Variants in ACTR3B observed in about 807,000 individuals in gnomAD.
ACTR3B encodes the protein actin-related protein 3B.
Under a neutral mutation model 59.0 loss-of-function variants are expected in ACTR3B, and 8 were observed. The ratio of observed to expected loss-of-function variants is 0.14; its 90% CI spans 0.08 to 0.24. The LOEUF (loss-of-function observed/expected upper bound fraction) is 0.24. Ranked by LOEUF, ACTR3B falls within the 10% of genes least tolerant of loss-of-function variation. The pLI is 1.00. For synonymous variants in ACTR3B, 148 were observed against 197.9 expected (o/e 0.75, Z 2.12); for missense variants, 245 against 552.3 (o/e 0.44, Z 5.58).
chr7:152,850,029 T>G (rs1002420813), intron 9 of ACTR3B, among the ~76,000 whole-genome samples: 13 of 151,220 alleles, frequency 8.6e-5, no homozygotes, highest in African/African-American at 3.2e-4. Context: ...ACTGGTCGCT[T>G]CTCCAGGTGG....
intron 4 of ACTR3B, among the ~76,000 whole-genome samples, chr7:152,808,529 G>A (rs2098259446): frequency 6.6e-6 from 1 of 152,046 alleles, no homozygotes. Flanking sequence ...TCTGATTCTT[G>A]TTGGTGATGT....
Position 152,787,104 on chromosome 7 carries a change from C to T in ACTR3B, c.100+3862C>T, listed in dbSNP as rs919917766. Among the ~76,000 whole-genome samples, 4 of 152,236 alleles carry T rather than the reference C, an allele frequency of 2.6e-5. No homozygotes were observed. In the South Asian group the frequency reaches 6.3e-4, roughly 24 times the overall value. On this transcript the variant is annotated intron_variant, in intron 2 of 11. Coordinates refer to ENST00000256001, the MANE Select transcript of ACTR3B (RefSeq NM_020445.6). ...TTAGGCAACACCTAATTAGGTATTG[C>T]CACGTTACTCCTCCAGGAGGCTGTT...
At chr7:152,850,831 C>G (rs1326101312) in intron 9 of ACTR3B, among the ~76,000 whole-genome samples, 1 of 152,184 alleles carries the variant, frequency 6.6e-6, no homozygotes, top group Non-Finnish European at 1.5e-5. Flanking sequence ...ACTCACTGTT[C>G]ACACACTCAG....
chr7:152,822,401 A>G (rs1400318435), intron 7 of ACTR3B, among the ~76,000 whole-genome samples: 2 of 152,272 alleles, frequency 1.3e-5, no homozygotes, highest in African/African-American at 4.8e-5. Context: ...GACACATATC[A>G]ACACAAAGGT....
chr7:152,823,878 T>C (rs1290058475), intron 8 of ACTR3B, among the ~76,000 whole-genome samples: 1 of 152,218 alleles, frequency 6.6e-6, no homozygotes, highest in Non-Finnish European at 1.5e-5. Flanking sequence ...TGGGATAATA[T>C]GTAACCTTTC....
chr7:152,780,282 C>T (rs2098147816), intron 1 of ACTR3B, among the ~76,000 whole-genome samples: 2 of 149,566 alleles, frequency 1.3e-5, no homozygotes, highest in South Asian at 4.3e-4. Context: ...AACAGAAAGG[C>T]GGAGGTTGCA....
intron 9 of ACTR3B, among the ~76,000 whole-genome samples, chr7:152,849,016 G>A (rs1039612640): frequency 2.0e-5 from 3 of 152,198 alleles, no homozygotes; most frequent in African/African-American, 2.4e-5. Flanking sequence ...GAAGGCAGGT[G>A]CCCAGTGACC....
chr7:152,798,284 T>A (rs1563103748), intron 2 of ACTR3B, among the ~76,000 whole-genome samples: 1 of 152,254 alleles, frequency 6.6e-6, no homozygotes, highest in Non-Finnish European at 1.5e-5. Context: ...CCCCAATGAT[T>A]AGTGATGTTG....
intron 4 of ACTR3B, among the ~76,000 whole-genome samples, chr7:152,806,992 C>G (rs950432206): frequency 6.6e-6 from 1 of 152,174 alleles, no homozygotes; most frequent in African/African-American, 2.4e-5. Flanking sequence ...GAGAGTGTCA[C>G]CCATGTTAGG....
chr7:152,780,441 C>T (rs1043372712), intron 1 of ACTR3B, among the ~76,000 whole-genome samples: 5 of 151,196 alleles, frequency 3.3e-5, no homozygotes, highest in Non-Finnish European at 7.4e-5. Flanking sequence ...ACTTAAGGTA[C>T]CCGTGTGACT....
At position 152,759,839 on chromosome 7, in the gene ACTR3B, C is replaced by A. The variant is rs1395995522; in HGVS notation, c.-44C>A. On this transcript the variant is annotated 5_prime_UTR_variant, in exon 1 of 12. Transcript: ENST00000256001. Reference sequence around the variant, plus strand: ...GGCGGCGGAGCGGACGGCGACGGGGCGCTCTCGGGCTGCCGGCGGGGCCGA... The same window carrying A: ...GGCGGCGGAGCGGACGGCGACGGGGAGCTCTCGGGCTGCCGGCGGGGCCGA... 5 of 1,220,378 alleles carry A rather than the reference C, an allele frequency of 4.1e-6. No homozygotes were observed. The highest frequency in any genetic ancestry group is 3.1e-5 in the African/African-American group (2 of 63,492). The allele number at this position is 1,220,378 out of a possible 1,614,324, so 75.6% of individuals were successfully genotyped here. A position where few individuals can be genotyped will look rare whatever the true frequency, so the allele number is the denominator to read the frequency against.
At chr7:152,852,042 C>G in intron 9 of ACTR3B, 84 bp from the exon 10 acceptor site, 1 of 1,584,526 alleles carries the variant, frequency 6.3e-7, no homozygotes, top group Non-Finnish European at 8.7e-7. Context: ...AGCGATTGGA[C>G]CTGTGGGAGT....
At position 152,854,588 on chromosome 7, in the gene ACTR3B, T is replaced by C. The variant is rs373617906; in HGVS notation, c.*35T>C. On this transcript the variant is annotated 3_prime_UTR_variant, in exon 12 of 12. Coordinates refer to ENST00000256001, the MANE Select transcript of ACTR3B (RefSeq NM_020445.6). The surrounding 1 kb of genome is among the most constrained non-coding windows in gnomAD (Gnocchi z 4.9). ...GAACGCGTCGTTCGATGGTGTCACGTTGGGGAACAAGTGTCCTTCAGAACC... is the reference window on the plus strand; with the variant it reads ...GAACGCGTCGTTCGATGGTGTCACGCTGGGGAACAAGTGTCCTTCAGAACC... 5.0e-6 allele frequency: 8 copies of C among 1,600,286 alleles called. No individual in the cohort carries two copies. In the African/African-American group the frequency reaches 1.1e-4, roughly 21 times the overall value.
Position 152,824,966 on chromosome 7 carries a change from G to C in ACTR3B, c.859-64G>C. 1 of 1,507,368 alleles carries C rather than the reference G, an allele frequency of 6.6e-7. No individual in the cohort carries two copies. The highest frequency in any genetic ancestry group is 1.2e-5 in the South Asian group (1 of 82,304). The allele number at this position is 1,507,368 out of a possible 1,614,324, so 93.4% of individuals were successfully genotyped here. A position where few individuals can be genotyped will look rare whatever the true frequency, so the allele number is the denominator to read the frequency against. On this transcript the variant is annotated intron_variant, in intron 8 of 11. Coordinates refer to ENST00000256001, the MANE Select transcript of ACTR3B (RefSeq NM_020445.6). This position sits in a 1 kb window ranked among gnomAD's most constrained non-coding sequence, Gnocchi z 4.2. The stretch of plus-strand genomic sequence containing the variant: ...TATTTGTTAAAGTTACTTTAAAGAA[G>C]TGTGCATGTTGTTCTATTTGAGAGA...
intron 2 of ACTR3B, among the ~76,000 whole-genome samples, chr7:152,792,466 T>C (rs1230349922): frequency 1.3e-5 from 2 of 151,946 alleles, no homozygotes; most frequent in Non-Finnish European, 2.9e-5. Flanking sequence ...TAAAGAAACA[T>C]AGGCCGGGCA....
intron 2 of ACTR3B, among the ~76,000 whole-genome samples, chr7:152,785,412 A>G (rs1346272779): frequency 7.2e-4 from 2 of 2,766 alleles, no homozygotes; most frequent in Non-Finnish European, 1.4e-3. Context: ...GGGGAGAGGG[A>G]GGGAGAGGGA....
At chr7:152,769,018 A>C (rs1314424605) in intron 1 of ACTR3B, among the ~76,000 whole-genome samples, 1 of 147,712 alleles carries the variant, frequency 6.8e-6, no homozygotes, top group African/African-American at 2.5e-5. Context: ...ATGCCTGGCT[A>C]ATTTTTGTGT....
At chr7:152,780,982 A>G (rs901349704) in intron 1 of ACTR3B, among the ~76,000 whole-genome samples, 11 of 151,134 alleles carry the variant, frequency 7.3e-5, no homozygotes, top group Non-Finnish European at 1.2e-4. Context: ...TCCCCATTTT[A>G]TAGTAACTGA....
intron 9 of ACTR3B, among the ~76,000 whole-genome samples, chr7:152,835,004 C>T (rs978077267): frequency 2.0e-5 from 3 of 151,988 alleles, no homozygotes; most frequent in Admixed American, 2.0e-4. Context: ...CTGCTGATTT[C>T]TCACACTGTA....
Sources: allele counts gnomAD v4.1 joint callset (sites outside exome capture counted in the v4.1 genomes callset), GRCh38; gene constraint gnomAD v4.1.1; non-coding constraint Gnocchi (gnomAD v3.1); transcripts MANE v1.5; gene names NCBI Gene and HGNC (gene_info 2026-07-23, HGNC 2026-07-21).